Variants in SGCG observed in about 807,000 individuals in gnomAD.
SGCG encodes the protein gamma-sarcoglycan.
A neutral mutation model predicts 29.3 loss-of-function variants in SGCG; 26 were observed. The observed-to-expected ratio is 0.89, with a 90% CI of 0.65 to 1.23. The LOEUF is 1.23. Ranked by LOEUF, SGCG falls within the 50% of genes most tolerant of loss-of-function variation. The probability of loss-of-function intolerance (pLI) is 0.00; values close to 1 mark genes in which losing one functional copy is unlikely to be tolerated. For missense variants in SGCG, 353 were observed against 356.0 expected (o/e 0.99, Z 0.07); for synonymous variants, 145 against 129.7 (o/e 1.12, Z -0.80).
At chr13:23,290,657 C>T (rs36158397) in intron 5 of SGCG, among the ~76,000 whole-genome samples, 12,344 of 151,964 alleles carry the variant, frequency 0.081, 668 homozygotes, top group South Asian at 0.13. Flanking sequence ...TTTGGCTGAA[C>T]GAGAGAAATG....
chr13:23,299,441 TATATATATA>T lies in SGCG; in HGVS notation c.578+3955_578+3963del, dbSNP rs1179173237. On this transcript the variant is annotated intron_variant, in intron 6 of 7. Coordinates refer to ENST00000218867, the MANE Select transcript of SGCG (RefSeq NM_000231.3). ...ATATATATATATATATATATATATA[TATATATATA>T]TATATATTTTTTTTTTTTTTTTAGT... 7.5e-3 allele frequency among the ~76,000 whole-genome samples: 162 copies of T among 21,730 alleles called. 9 individuals carry two copies. Among genetic ancestry groups the T allele is most frequent in the African/African-American group, 0.018 (129 of 7,274 alleles). The allele number at this position is 21,730 out of a possible 152,430, so 14.3% of individuals were successfully genotyped here.
At chr13:23,250,514 A>G (rs1879919724) in intron 3 of SGCG, 116 bp from the exon 4 acceptor site, 2 of 672,330 alleles carry the variant, frequency 3.0e-6, no homozygotes, top group Non-Finnish European at 5.4e-6. Context: ...TAGGATTTCC[A>G]GGATCTGTAA....
intron 4 of SGCG, among the ~76,000 whole-genome samples, chr13:23,261,159 A>C (rs994625883): frequency 6.6e-6 from 1 of 151,948 alleles, no homozygotes; most frequent in African/African-American, 2.4e-5. Flanking sequence ...TCTCCCCATC[A>C]CTTTCAGGTA....
At chr13:23,287,003 G>A (rs774612171) in intron 5 of SGCG, among the ~76,000 whole-genome samples, 3 of 152,194 alleles carry the variant, frequency 2.0e-5, no homozygotes, top group Non-Finnish European at 4.4e-5. Flanking sequence ...TATCGCCAAT[G>A]GTAAACATTT....
At chr13:23,315,460 C>T (rs1161010821) in intron 6 of SGCG, among the ~76,000 whole-genome samples, 1 of 152,216 alleles carries the variant, frequency 6.6e-6, no homozygotes, top group African/African-American at 2.4e-5. Flanking sequence ...CCTGCCTTCT[C>T]TTCCCCAGCC....
At chr13:23,169,437 T>G in the SGCG span, among the ~76,000 whole-genome samples, 5 of 150,994 alleles carry the variant, frequency 3.3e-5, no homozygotes, top group African/African-American at 1.2e-4. Flanking sequence ...TCCCAGCACT[T>G]TGGGAGGCCG....
At chr13:23,299,528 C>G (rs11618242) in intron 6 of SGCG, among the ~76,000 whole-genome samples, 9,782 of 137,828 alleles carry the variant, frequency 0.071, 696 homozygotes, top group South Asian at 0.094. Flanking sequence ...TCTCGGCTCA[C>G]TGCAAGCTCC....
At chr13:23,278,870 G>C (rs775431853) in intron 4 of SGCG, among the ~76,000 whole-genome samples, 2 of 152,186 alleles carry the variant, frequency 1.3e-5, no homozygotes, top group Non-Finnish European at 2.9e-5. Flanking sequence ...TTCCCCGTGG[G>C]GTAAGGGGTG....
intron 1 of SGCG, among the ~76,000 whole-genome samples, chr13:23,197,019 T>A (rs1877539445): frequency 6.6e-6 from 1 of 152,216 alleles, no homozygotes; most frequent in African/African-American, 2.4e-5. Context: ...TTGTATAGAC[T>A]GGATGCCTCT....
At chr13:23,198,342 A>G (rs1201159679) in intron 1 of SGCG, among the ~76,000 whole-genome samples, 1 of 152,228 alleles carries the variant, frequency 6.6e-6, no homozygotes, top group East Asian at 1.9e-4. Context: ...TCACTATATT[A>G]TATGCTATGA....
chr13:23,324,045 A>T (rs1301829292), intron 7 of SGCG, among the ~76,000 whole-genome samples: 3 of 152,190 alleles, frequency 2.0e-5, no homozygotes, highest in Non-Finnish European at 4.4e-5. Flanking sequence ...AAAGCAACCC[A>T]GTTTATTGAA....
intron 1 of SGCG, among the ~76,000 whole-genome samples, chr13:23,195,703 GTAT>G (rs748633079): frequency 6.6e-5 from 10 of 151,616 alleles, no homozygotes; most frequent in African/African-American, 9.7e-5. Context: ...TATAATAAGG[GTAT>G]TATTATTCGA....
intron 4 of SGCG, among the ~76,000 whole-genome samples, chr13:23,256,845 G>T (rs1880201452): frequency 6.6e-6 from 1 of 152,194 alleles, no homozygotes; most frequent in South Asian, 2.1e-4. Context: ...ACATAGGTGT[G>T]CATGTGTCTT....
intron 6 of SGCG, among the ~76,000 whole-genome samples, chr13:23,297,238 T>C (rs11148732): frequency 1.5e-4 from 19 of 130,236 alleles, no homozygotes; most frequent in South Asian, 4.9e-4. Flanking sequence ...TTATTTTTTT[T>C]TTTTTTGAGA....
intron 3 of SGCG, among the ~76,000 whole-genome samples, chr13:23,236,860 GAAT>G (rs1335140742): frequency 2.6e-5 from 4 of 152,200 alleles, no homozygotes; most frequent in Admixed American, 1.3e-4. Flanking sequence ...GTAACAATTT[GAAT>G]AATATTATGT....
intron 6 of SGCG, among the ~76,000 whole-genome samples, chr13:23,315,478 A>G (rs772837368): frequency 1.3e-5 from 2 of 152,166 alleles, no homozygotes; most frequent in Admixed American, 6.5e-5. Flanking sequence ...GCCTGCACCA[A>G]TGGCCTCATG....
upstream of SGCG, among the ~76,000 whole-genome samples, chr13:23,179,441 G>A (rs1354196686): frequency 6.6e-6 from 1 of 152,190 alleles, no homozygotes; most frequent in Non-Finnish European, 1.5e-5. Flanking sequence ...ATTTACGATT[G>A]ATGAAGAGGT....
chr13:23,277,987 C>G (rs139261301), intron 4 of SGCG, among the ~76,000 whole-genome samples: 11 of 151,948 alleles, frequency 7.2e-5, no homozygotes, highest in African/African-American at 2.7e-4. Context: ...CGTGAGCCAC[C>G]GCGCCCAGCC....
At chr13:23,299,960 C>G (rs778558955) in intron 6 of SGCG, among the ~76,000 whole-genome samples, 12 of 152,214 alleles carry the variant, frequency 7.9e-5, no homozygotes, top group African/African-American at 2.2e-4. Context: ...AAGAAACTTG[C>G]AAACAAGTTA....
Sources: gnomAD v4.1 joint callset for allele counts (sites outside exome capture counted in the v4.1 genomes callset) on GRCh38, gnomAD v4.1.1 for gene constraint, MANE v1.5 for transcripts, NCBI Gene and HGNC (gene_info 2026-07-23, HGNC 2026-07-21) for gene names.